AKAP6: variants seen among roughly 807,000 people sequenced by gnomAD.
AKAP6 encodes A-kinase anchor protein 6.
In AKAP6, 58 loss-of-function variants were observed where a neutral mutation model predicts 188.5. That is an observed-to-expected ratio of 0.31 (90% CI 0.25 to 0.38). The LOEUF (loss-of-function observed/expected upper bound fraction) is 0.38. AKAP6 is among the 10% of genes least tolerant of loss of function. The pLI, the probability that AKAP6 is intolerant of heterozygous loss-of-function variation, is 1.00. For missense variants in AKAP6, 2,710 were observed against 2,740.0 expected, an observed-to-expected ratio of 0.99 and a Z score of 0.24; for synonymous variants, 989 against 998.6, an observed-to-expected ratio of 0.99 and a Z score of 0.18.
rs1470153557 is a variant in AKAP6, at chr14:32,550,479, G to A, written c.2346+3480G>A. On this transcript the variant is annotated intron_variant, in intron 4 of 13. Coordinates refer to ENST00000280979, the MANE Select transcript of AKAP6 (RefSeq NM_004274.5). Reference sequence around the variant, plus strand: ...TTGTTAATGGTGGATAATTGTTAATGGTTTCTTGTTTGATGACATATAAAT... The same window carrying A: ...TTGTTAATGGTGGATAATTGTTAATAGTTTCTTGTTTGATGACATATAAAT... Among the ~76,000 whole-genome samples the A allele has an allele frequency of 2.6e-5, 4 of 152,158 alleles. No homozygotes were observed. In the East Asian group the frequency reaches 7.7e-4, roughly 29 times the overall value.
chr14:32,421,449 A>G (rs375277974), intron 1 of AKAP6, among the ~76,000 whole-genome samples: 1 of 152,060 alleles, frequency 6.6e-6, no homozygotes, highest in Admixed American at 6.6e-5. Flanking sequence ...GCTATTATAC[A>G]TACTTTTATT....
Position 32,822,347 on chromosome 14 carries a change from A to G in AKAP6, c.4534A>G (p.Lys1512Glu). 1 of 1,614,000 alleles carries G rather than the reference A, an allele frequency of 6.2e-7. No homozygotes were observed. Among genetic ancestry groups the G allele is most frequent in the Non-Finnish European group, 8.5e-7 (1 of 1,179,942 alleles). The stretch of plus-strand genomic sequence containing the variant: ...TTTTGATAAAAAATCATGCAAATCT[A>G]AACATCAGACTACAGAGTTACAACC... ...FYFDKKSCKS[K>E]HQTTELQPDV... The change falls in exon 13 of 14, where the codon AAA becomes GAA. Residue 1512 changes from lysine to glutamate, a missense_variant. Physicochemically the swap from Lys to Glu is moderately conservative, Grantham distance 56. This residue lies in a region of AKAP6 where 2,473 missense variants were observed against 2,426.1 expected (regional missense o/e 1.02). Coordinates refer to ENST00000280979, the MANE Select transcript of AKAP6 (RefSeq NM_004274.5).
chr14:32,678,316 G>A lies in AKAP6; in HGVS notation c.2736G>A (p.Glu912=), dbSNP rs1244754180. The change falls in exon 8 of 14, where the codon GAG becomes GAA. Residue 912 remains glutamate, a synonymous_variant. Transcript: ENST00000280979. The part of the protein sequence containing the change: ...DEEGTGSPKA[E]VQLCYLEAQR... ...CTCTTTGTTTCTCTTTCCAGGCTGAGGTTCAACTATGCTACCTGGAAGCAC... is the reference window on the plus strand; with the variant it reads ...CTCTTTGTTTCTCTTTCCAGGCTGAAGTTCAACTATGCTACCTGGAAGCAC... 1 of 1,607,570 alleles carries A rather than the reference G, an allele frequency of 6.2e-7. No homozygotes were observed. The highest frequency in any genetic ancestry group is 8.5e-7 in the Non-Finnish European group (1 of 1,175,024).
intron 11 of AKAP6, among the ~76,000 whole-genome samples, chr14:32,761,081 A>T (rs1372379006): frequency 6.6e-6 from 1 of 152,224 alleles, no homozygotes; most frequent in East Asian, 1.9e-4. Context: ...AGGAAAATGT[A>T]CTATTTATTT....
intron 1 of AKAP6, among the ~76,000 whole-genome samples, chr14:32,432,461 G>C (rs939086556): frequency 6.6e-6 from 1 of 152,000 alleles, no homozygotes; most frequent in African/African-American, 2.4e-5. Flanking sequence ...TACTGTTTAT[G>C]TATTTCAGAC....
intron 8 of AKAP6, among the ~76,000 whole-genome samples, chr14:32,678,844 T>A (rs897848640): frequency 6.6e-6 from 1 of 152,248 alleles, no homozygotes; most frequent in African/African-American, 2.4e-5. Context: ...CAGAACCATT[T>A]TGGAAACTTA....
intron 13 of AKAP6, among the ~76,000 whole-genome samples, chr14:32,828,527 TCTCACACACA>T (rs1394650270): frequency 0.014 from 1,081 of 76,578 alleles, 8 homozygotes; most frequent in Non-Finnish European, 0.016. Flanking sequence ...TCTCTCTCTC[TCTCACACACA>T]CACACACACA....
intron 2 of AKAP6, among the ~76,000 whole-genome samples, chr14:32,489,033 C>T (rs567853002): frequency 6.0e-4 from 91 of 152,090 alleles, no homozygotes; most frequent in Non-Finnish European, 9.1e-4. Flanking sequence ...ATCAGCTTGT[C>T]TAGTATCAAA....
chr14:32,797,760 A>T (rs2033815229), intron 12 of AKAP6, among the ~76,000 whole-genome samples: 1 of 151,882 alleles, frequency 6.6e-6, no homozygotes, highest in Admixed American at 6.6e-5. Context: ...CATCCTGTAC[A>T]TGTACCCATA....
rs538559713 is a variant in AKAP6 at position 32,708,421 on chromosome 14, G to A, written c.3000+12311G>A. On this transcript the variant is annotated intron_variant, in intron 9 of 13. Coordinates refer to ENST00000280979, the MANE Select transcript of AKAP6 (RefSeq NM_004274.5). ...AGAGAAAGAGAGAGAGAGAGAATGAGCAAGAGAGAGAAAGAGAGAGAGTAA... is the reference window on the plus strand; with the variant it reads ...AGAGAAAGAGAGAGAGAGAGAATGAACAAGAGAGAGAAAGAGAGAGAGTAA... Among the ~76,000 whole-genome samples the A allele has an allele frequency of 1.7e-4, 26 of 151,718 alleles. No homozygotes were observed. The South Asian group carries it at 5.2e-3, about 30-fold the overall frequency.
At chr14:32,521,964 C>G (rs1881861460) in intron 2 of AKAP6, among the ~76,000 whole-genome samples, 1 of 152,308 alleles carries the variant, frequency 6.6e-6, no homozygotes, top group East Asian at 1.9e-4. Context: ...GTAACCAAAA[C>G]AGCATGGTAC....
chr14:32,697,073 T>A (rs1890434605), intron 9 of AKAP6, among the ~76,000 whole-genome samples: 1 of 152,178 alleles, frequency 6.6e-6, no homozygotes, highest in African/African-American at 2.4e-5. Context: ...TTTTTAAAAA[T>A]TTCTTATAGA....
intron 11 of AKAP6, among the ~76,000 whole-genome samples, chr14:32,762,420 A>G (rs1335011876): frequency 6.6e-6 from 1 of 152,164 alleles, no homozygotes; most frequent in Non-Finnish European, 1.5e-5. Context: ...AATATGAACT[A>G]AACACTGAGC....
At chr14:32,781,304 C>T (rs998252136) in intron 12 of AKAP6, among the ~76,000 whole-genome samples, 16 of 150,486 alleles carry the variant, frequency 1.1e-4, no homozygotes, top group African/African-American at 2.7e-4. Flanking sequence ...GCCAAGATCG[C>T]GCCATTGCAC....
At chr14:32,510,451 C>CATATATATGTATATATATATACACAT (rs1881182431) in intron 2 of AKAP6, among the ~76,000 whole-genome samples, 1 of 35,826 alleles carries the variant, frequency 2.8e-5, no homozygotes, top group Non-Finnish European at 5.8e-5. Context: ...TATATATATA[C>CATATATATGTATATATATATACACAT]ATATATATGT....
chr14:32,479,622 G>A (rs1879238985), intron 2 of AKAP6, among the ~76,000 whole-genome samples: 1 of 152,066 alleles, frequency 6.6e-6, no homozygotes, highest in South Asian at 2.1e-4. Flanking sequence ...TTTTGCTATG[G>A]TATGAATGTT....
intron 7 of AKAP6, among the ~76,000 whole-genome samples, chr14:32,673,995 G>A (rs1469057954): frequency 6.6e-6 from 1 of 152,188 alleles, no homozygotes; most frequent in Non-Finnish European, 1.5e-5. Context: ...AGGAAAAATA[G>A]AGTGGATCTA....
intron 2 of AKAP6, among the ~76,000 whole-genome samples, chr14:32,478,977 G>A (rs1879205970): frequency 6.6e-6 from 1 of 152,090 alleles, no homozygotes; most frequent in Admixed American, 6.6e-5. Flanking sequence ...TGGGGGGAGA[G>A]GAGATGAGAA....
chr14:32,691,267 A>C (rs929874420), intron 8 of AKAP6, among the ~76,000 whole-genome samples: 4 of 152,348 alleles, frequency 2.6e-5, no homozygotes, highest in African/African-American at 9.6e-5. Flanking sequence ...TGATAGAATC[A>C]GCATATTCTC....
Sources: gnomAD v4.1 joint callset for allele counts (sites outside exome capture counted in the v4.1 genomes callset) on GRCh38, gnomAD v4.1.1 for gene constraint, gnomAD v4.1.1 regional missense constraint, MANE v1.5 for transcripts, NCBI Gene and HGNC (gene_info 2026-07-23, HGNC 2026-07-21) for gene names.